The following SCAPER variants were observed in gnomAD, a reference collection of about 807,000 sequenced individuals.
The protein encoded by SCAPER is S phase cyclin A-associated protein in the endoplasmic reticulum.
In SCAPER, 98 loss-of-function variants were observed where a neutral mutation model predicts 182.2. The observed-to-expected ratio is 0.54, with a 90% CI of 0.46 to 0.64. The LOEUF (loss-of-function observed/expected upper bound fraction) is 0.64, where lower values mean the gene tolerates loss of function less well. Ranked by LOEUF, SCAPER falls within the 30% of genes least tolerant of loss-of-function variation. SCAPER has a pLI of 0.00. For missense variants in SCAPER, 1,432 were observed against 1,690.0 expected, an observed-to-expected ratio of 0.85 and a Z score of 2.68; for synonymous variants, 605 against 564.6, an observed-to-expected ratio of 1.07 and a Z score of -1.01.
chr15:76,532,409 C>T (rs1597235210), intron 23 of SCAPER, among the ~76,000 whole-genome samples: 1 of 151,642 alleles, frequency 6.6e-6, no homozygotes, highest in African/African-American at 2.4e-5. Context: ...GCTACATTGC[C>T]CAGGCTGGTG....
intron 25 of SCAPER, among the ~76,000 whole-genome samples, chr15:76,455,256 C>G (rs188407384): frequency 1.3e-5 from 2 of 152,160 alleles, no homozygotes; most frequent in Non-Finnish European, 2.9e-5. Flanking sequence ...GTATATACTT[C>G]AGGTGTACAA....
chr15:76,566,473 A>C (rs2047045350), intron 23 of SCAPER, among the ~76,000 whole-genome samples: 1 of 152,138 alleles, frequency 6.6e-6, no homozygotes, highest in Non-Finnish European at 1.5e-5. Context: ...TGTCCAATCC[A>C]TCTGCTTAAA....
chr15:76,753,773 T>C, intron 15 of SCAPER, 35 bp downstream of exon 15: 1 of 1,589,930 alleles, frequency 6.3e-7, no homozygotes, highest in Non-Finnish European at 8.6e-7. Context: ...AGTACTTGGG[T>C]AATTAAGTCA....
chr15:76,623,402 C>T (rs139995216), intron 21 of SCAPER, among the ~76,000 whole-genome samples: 2 of 152,262 alleles, frequency 1.3e-5, no homozygotes, highest in East Asian at 3.8e-4. Flanking sequence ...ATCTTTCATT[C>T]ATCTTGAGTT....
intron 5 of SCAPER, among the ~76,000 whole-genome samples, chr15:76,816,269 T>A (rs538666181): frequency 6.6e-6 from 1 of 152,252 alleles, no homozygotes; most frequent in Non-Finnish European, 1.5e-5. Flanking sequence ...CTGACATTTG[T>A]AGTAACACTT....
rs1378192864 is a variant in SCAPER at position 76,563,203 on chromosome 15, G to A, written c.2838+10955C>T. On this transcript the variant is annotated intron_variant, in intron 23 of 31. Transcript: ENST00000563290. The stretch of plus-strand genomic sequence containing the variant: ...ACAATGTCCTATTTCTCAATTAGTA[G>A]TCACTGAGGTTTTTGCCTTCATAGT... 1.3e-5 allele frequency among the ~76,000 whole-genome samples: 2 copies of A among 152,198 alleles called. 1 individual carries two copies. The highest frequency in any genetic ancestry group is 1.3e-4 in the Admixed American group (2 of 15,268).
chr15:76,579,290 T>A (rs1431756891), intron 22 of SCAPER, among the ~76,000 whole-genome samples: 937 of 71,286 alleles, frequency 0.013, 2 homozygotes, highest in South Asian at 0.029. Flanking sequence ...AAAAAAAAAA[T>A]AGTAACTACA....
At chr15:76,462,120 A>C (rs1464840181) in intron 25 of SCAPER, among the ~76,000 whole-genome samples, 1 of 152,132 alleles carries the variant, frequency 6.6e-6, no homozygotes, top group African/African-American at 2.4e-5. Context: ...TCTTCAGGAT[A>C]AAAAGATTGT....
chr15:76,632,935 C>T (rs181116774), intron 21 of SCAPER, among the ~76,000 whole-genome samples: 30 of 151,930 alleles, frequency 2.0e-4, no homozygotes, highest in South Asian at 8.3e-4. Flanking sequence ...CCACCACACC[C>T]GGCTCAATTT....
rs533257915 is a variant in SCAPER at position 76,721,109 on chromosome 15, G to A, written c.2165+7486C>T. On this transcript the variant is annotated intron_variant, in intron 17 of 31. Transcript: ENST00000563290. ...TCTTGAATTAATTTTTGTATAAGGT[G>A]TAAGGAAGGGATCCAGTTTCAGCTT... Among the ~76,000 whole-genome samples the A allele has an allele frequency of 9.1e-3, 1,388 of 152,278 alleles. 22 individuals are homozygous for A. Among genetic ancestry groups the A allele is most frequent in the African/African-American group, 0.032 (1,335 of 41,550 alleles).
chr15:76,702,288 A>C (rs1434980612), intron 19 of SCAPER, among the ~76,000 whole-genome samples: 2 of 152,180 alleles, frequency 1.3e-5, no homozygotes, highest in African/African-American at 2.4e-5. Flanking sequence ...AATACCCCAA[A>C]AATACTGACT....
intron 23 of SCAPER, among the ~76,000 whole-genome samples, chr15:76,553,980 C>T (rs2045984138): frequency 6.6e-6 from 1 of 152,088 alleles, no homozygotes; most frequent in Non-Finnish European, 1.5e-5. Context: ...TGACCAGGCT[C>T]AAACGGCTGA....
intron 17 of SCAPER, among the ~76,000 whole-genome samples, chr15:76,717,477 G>C (rs1259113672): frequency 6.6e-6 from 1 of 152,026 alleles, no homozygotes; most frequent in Non-Finnish European, 1.5e-5. Flanking sequence ...GTTACAATAA[G>C]TTTTTAAGGA....
rs539430992 is a variant in SCAPER, at chr15:76,842,057, C to T, written c.196-126G>A. ...AGAAATAAAAAGCATCTGTACTGAA[C>T]ATGTATGGACTTTTTTCCTATCATT... On this transcript the variant is annotated intron_variant, in intron 4 of 31. Transcript: ENST00000563290. 3.2e-5 allele frequency: 24 copies of T among 750,016 alleles called. No homozygotes were observed. In the African/African-American group the frequency reaches 4.2e-4, roughly 13 times the overall value. The allele number at this position is 750,016 out of a possible 1,614,324, so 46.5% of individuals were successfully genotyped here.
intron 5 of SCAPER, 56 bp downstream of exon 5, chr15:76,841,678 C>T: frequency 6.4e-7 from 1 of 1,559,052 alleles, no homozygotes; most frequent in Non-Finnish European, 8.7e-7. Context: ...TCACATGTAG[C>T]AAAAATTCAA....
At position 76,618,813 on chromosome 15, in the gene SCAPER, A is replaced by T. The variant is rs887051459; in HGVS notation, c.2711+2951T>A. Among the ~76,000 whole-genome samples, 8 of 152,228 alleles carry T rather than the reference A, an allele frequency of 5.3e-5. No homozygotes were observed. The South Asian group carries it at 1.7e-3, about 31-fold the overall frequency. On this transcript the variant is annotated intron_variant, in intron 22 of 31. Coordinates refer to ENST00000563290, the MANE Select transcript of SCAPER (RefSeq NM_020843.4). ...CAATGTTTACAAAAATGAGAAAGAAAGTGATATACAAATGACAAATTCTCC... is the reference window on the plus strand; with the variant it reads ...CAATGTTTACAAAAATGAGAAAGAATGTGATATACAAATGACAAATTCTCC...
At chr15:76,818,173 G>C (rs1054921120) in intron 5 of SCAPER, among the ~76,000 whole-genome samples, 1 of 152,164 alleles carries the variant, frequency 6.6e-6, no homozygotes, top group Non-Finnish European at 1.5e-5. Flanking sequence ...TTTGACTAAC[G>C]TACAAAGCCA....
At chr15:76,818,474 T>A (rs1285318858) in intron 5 of SCAPER, among the ~76,000 whole-genome samples, 1 of 152,030 alleles carries the variant, frequency 6.6e-6, no homozygotes, top group Non-Finnish European at 1.5e-5. Flanking sequence ...ATCAAAAACT[T>A]CTGCTCTGCA....
intron 24 of SCAPER, among the ~76,000 whole-genome samples, chr15:76,500,065 G>T (rs2040957247): frequency 6.6e-6 from 1 of 152,210 alleles, no homozygotes. Context: ...TATAAGGTAG[G>T]TATTAGTCTT....
Sources: gnomAD v4.1 joint callset for allele counts (sites outside exome capture counted in the v4.1 genomes callset) on GRCh38, gnomAD v4.1.1 for gene constraint, MANE v1.5 for transcripts, NCBI Gene and HGNC (gene_info 2026-07-23, HGNC 2026-07-21) for gene names.